Variants in DPY19L1 observed in about 807,000 individuals in gnomAD.
DPY19L1 encodes the protein dpy-19 like C-mannosyltransferase 1.
A neutral mutation model predicts 96.9 loss-of-function variants in DPY19L1; 35 were observed. The ratio of observed to expected loss-of-function variants is 0.36; its 90% CI spans 0.28 to 0.48. DPY19L1 has a LOEUF of 0.48. Among genes scored for constraint, DPY19L1 ranks in the 20% least tolerant of loss-of-function variants. The probability of loss-of-function intolerance (pLI) is 0.99; values close to 1 mark genes in which losing one functional copy is unlikely to be tolerated. For missense variants in DPY19L1, 521 were observed against 777.9 expected (o/e 0.67, Z 3.93); for synonymous variants, 205 against 252.6 (o/e 0.81, Z 1.79).
At chr7:35,028,268 A>G (rs1420323323) in intron 1 of DPY19L1, among the ~76,000 whole-genome samples, 2 of 152,224 alleles carry the variant, frequency 1.3e-5, no homozygotes, top group Admixed American at 6.5e-5. Flanking sequence ...ACTAGCACAC[A>G]GGAGGAAATG....
chr7:34,971,311 G>A (rs1335958528), intron 8 of DPY19L1, among the ~76,000 whole-genome samples: 1 of 152,160 alleles, frequency 6.6e-6, no homozygotes, highest in Admixed American at 6.5e-5. Flanking sequence ...AGGTTTAGCA[G>A]GTTTTCCCTC....
chr7:35,015,715 T>C (rs933118434), intron 3 of DPY19L1, among the ~76,000 whole-genome samples: 4 of 152,242 alleles, frequency 2.6e-5, no homozygotes, highest in African/African-American at 9.6e-5. Context: ...CTGCTCTGCC[T>C]GTGGAGCAGC....
intron 16 of DPY19L1, among the ~76,000 whole-genome samples, 156 bp from the exon 17 acceptor site, chr7:34,942,795 A>C (rs1472876484): frequency 1.3e-5 from 2 of 152,244 alleles, no homozygotes; most frequent in East Asian, 3.8e-4. Context: ...TCACATGCCA[A>C]AACTGGTGCT....
intron 6 of DPY19L1, among the ~76,000 whole-genome samples, chr7:34,992,482 T>C (rs191525028): frequency 5.3e-5 from 8 of 152,234 alleles, no homozygotes; most frequent in Admixed American, 2.0e-4. Context: ...TGCTTTCTTA[T>C]TTTTCCTGTT....
In DPY19L1 at chr7:35,028,580, C is replaced by T. The variant is rs565721160; in HGVS notation, c.298+8517G>A. On this transcript the variant is annotated intron_variant, in intron 1 of 21. Coordinates refer to ENST00000638088, the MANE Select transcript of DPY19L1 (RefSeq NM_001366673.1). ...TATGAATACAAATGTTACCAGAAAA[C>T]GGTCCTGATCCAGACTACAAGACAG... Among the ~76,000 whole-genome samples, 10 of 152,206 alleles carry T rather than the reference C, an allele frequency of 6.6e-5. No individual in the cohort carries two copies. The South Asian group carries it at 2.1e-3, about 32-fold the overall frequency.
At chr7:34,973,005 T>A (rs1784754915) in intron 8 of DPY19L1, among the ~76,000 whole-genome samples, 1 of 152,208 alleles carries the variant, frequency 6.6e-6, no homozygotes, top group African/African-American at 2.4e-5. Context: ...GTCTGAGTCA[T>A]CTTCAGATTT....
At chr7:34,961,014 A>G (rs1784489994) in intron 10 of DPY19L1, among the ~76,000 whole-genome samples, 1 of 152,202 alleles carries the variant, frequency 6.6e-6, no homozygotes, top group Admixed American at 6.5e-5. Context: ...AATGAAACTA[A>G]TCAAAGAACT....
rs57262214 is a variant in DPY19L1 at position 35,027,668 on chromosome 7, T to TAAAAAAAAA, written c.299-9081_299-9073dup. Among the ~76,000 whole-genome samples the TAAAAAAAAA allele has an allele frequency of 6.2e-4, 44 of 71,368 alleles. 2 individuals are homozygous for TAAAAAAAAA. The highest frequency in any genetic ancestry group is 7.2e-3 in the Middle Eastern group (1 of 138). 46.8% of individuals were successfully genotyped at this position (71,368 alleles called of 152,430 possible). A position where few individuals can be genotyped will look rare whatever the true frequency, so the allele number is the denominator to read the frequency against. On this transcript the variant is annotated intron_variant, in intron 1 of 21. Transcript: ENST00000638088. ...CAACATGGCAAAACCCCGTCTCTAC[T>TAAAAAAAAA]AAAAAAAAAAAAAAAAAAAATTAGT... is the stretch of plus-strand genomic sequence containing the variant.
chr7:35,027,381 C>T (rs75954969), intron 1 of DPY19L1, among the ~76,000 whole-genome samples: 2,910 of 152,200 alleles, frequency 0.019, 43 homozygotes, highest in Non-Finnish European at 0.028. Flanking sequence ...GATTTTCCTG[C>T]TCCCCGAACT....
chr7:34,983,091 C>T (rs1462638981), intron 7 of DPY19L1, among the ~76,000 whole-genome samples: 1 of 152,180 alleles, frequency 6.6e-6, no homozygotes, highest in Non-Finnish European at 1.5e-5. Flanking sequence ...TACTACTGCC[C>T]TGCTTGGCAG....
intron 3 of DPY19L1, 50 bp downstream of exon 3, chr7:35,017,832 T>C (rs1200555972): frequency 7.2e-7 from 1 of 1,379,544 alleles, no homozygotes; most frequent in Non-Finnish European, 1.0e-6. Flanking sequence ...AAATATTAAA[T>C]GTTTTTAAAT....
At chr7:34,943,073 A>C (rs1208445128) in intron 16 of DPY19L1, among the ~76,000 whole-genome samples, 1 of 152,228 alleles carries the variant, frequency 6.6e-6, no homozygotes, top group African/African-American at 2.4e-5. Flanking sequence ...GACAACACAC[A>C]CCTTCTCTTT....
chr7:34,960,446 AT>A (rs1392608067), intron 10 of DPY19L1, among the ~76,000 whole-genome samples: 1 of 151,952 alleles, frequency 6.6e-6, no homozygotes, highest in Non-Finnish European at 1.5e-5. Flanking sequence ...TCATATTTTG[AT>A]TGTTTGTATA....
At chr7:34,949,964 A>T (rs1465782404) in intron 13 of DPY19L1, 66 bp from the exon 14 acceptor site, 18 of 848,234 alleles carry the variant, frequency 2.1e-5, no homozygotes, top group Admixed American at 3.0e-5. Flanking sequence ...TAATTTCAAT[A>T]GTATCTGAAA....
chr7:35,027,668 T>TAAAAAAAAAAA lies in DPY19L1; in HGVS notation c.299-9083_299-9073dup, dbSNP rs57262214. Among the ~76,000 whole-genome samples the TAAAAAAAAAAA allele has an allele frequency of 8.8e-4, 63 of 71,370 alleles. 6 individuals are homozygous for TAAAAAAAAAAA. The highest frequency in any genetic ancestry group is 1.9e-3 in the Admixed American group (9 of 4,834). 46.8% of individuals were successfully genotyped at this position (71,370 alleles called of 152,430 possible). A position where few individuals can be genotyped will look rare whatever the true frequency, so the allele number is the denominator to read the frequency against. ...CAACATGGCAAAACCCCGTCTCTAC[T>TAAAAAAAAAAA]AAAAAAAAAAAAAAAAAAAATTAGT... On this transcript the variant is annotated intron_variant, in intron 1 of 21. Transcript: ENST00000638088.
intron 10 of DPY19L1, among the ~76,000 whole-genome samples, chr7:34,965,440 T>C (rs1427611898): frequency 6.6e-6 from 1 of 152,176 alleles, no homozygotes; most frequent in Non-Finnish European, 1.5e-5. Flanking sequence ...AAATATGTAC[T>C]ATTTAGTAAT....
chr7:34,982,692 T>C (rs1243194902), intron 7 of DPY19L1, among the ~76,000 whole-genome samples: 2 of 152,200 alleles, frequency 1.3e-5, no homozygotes, highest in Non-Finnish European at 2.9e-5. Context: ...ACCAAACAAC[T>C]TCTAACCATA....
intron 1 of DPY19L1, among the ~76,000 whole-genome samples, chr7:35,025,301 C>T (rs1049601271): frequency 4.6e-5 from 7 of 151,874 alleles, no homozygotes; most frequent in African/African-American, 1.7e-4. Context: ...TTCCTAGGAA[C>T]CAAAAACATT....
rs1786449678 is a variant in DPY19L1 at position 35,037,266 on chromosome 7, C to T, written c.129G>A (p.Ala43=). The T allele has an allele frequency of 6.4e-6, 2 of 310,954 alleles. No individual in the cohort carries two copies. Among genetic ancestry groups the T allele is most frequent in the Non-Finnish European group, 1.2e-5 (2 of 170,590 alleles). 19.3% of individuals were successfully genotyped at this position (310,954 alleles called of 1,614,324 possible). The stretch of plus-strand genomic sequence containing the variant: ...CGCCCTTGCGCCCCGGGGACAGGGG[C>T]GCGCGCTCGGGCCCCGGCTCCCCGG... The part of the protein sequence containing the change: ...VGAGEPGPER[A]PLSPGRKGAA... The change falls in exon 1 of 22, where the codon GCG becomes GCA. Residue 43 remains alanine (A), a synonymous_variant. Transcript: ENST00000638088.
Sources: gnomAD v4.1 joint callset for allele counts (sites outside exome capture counted in the v4.1 genomes callset) on GRCh38, gnomAD v4.1.1 for gene constraint, MANE v1.5 for transcripts, NCBI Gene and HGNC (gene_info 2026-07-23, HGNC 2026-07-21) for gene names.